The following ANAPC10 variants were observed in gnomAD, a reference collection of about 807,000 sequenced individuals.
The protein encoded by ANAPC10 is anaphase promoting complex subunit 10, also known as anaphase-promoting complex subunit 10.
ANAPC10 carries 12 observed loss-of-function variants against 22.0 expected under a neutral mutation model. That is an observed-to-expected ratio of 0.55 (90% CI 0.35 to 0.88). ANAPC10 has a LOEUF of 0.88. Among genes scored for constraint, ANAPC10 ranks in the 40% least tolerant of loss-of-function variants. The probability of loss-of-function intolerance (pLI) is 0.01; values close to 1 mark genes in which losing one functional copy is unlikely to be tolerated. For synonymous variants in ANAPC10, 65 were observed against 69.5 expected (o/e 0.94, Z 0.32); for missense variants, 188 against 220.9 (o/e 0.85, Z 0.94).
intron 2 of ANAPC10, among the ~76,000 whole-genome samples, chr4:145,093,271 C>T (rs1015816277): frequency 6.6e-6 from 1 of 152,086 alleles, no homozygotes; most frequent in Admixed American, 6.6e-5. Flanking sequence ...GAATTTGAAG[C>T]CTGTGAGACA....
rs759381610 is a variant in ANAPC10, at chr4:145,081,782, G to A, written c.116-32C>T. On this transcript the variant is annotated intron_variant, in intron 2 of 4. Coordinates refer to ENST00000507656, the MANE Select transcript of ANAPC10 (RefSeq NM_001256706.2). ...ACACCAAAAGTGTCAATAAATCCCT[G>A]TGAAAAAGAAACAACTATACATGCA... The A allele has an allele frequency of 6.7e-6, 10 of 1,487,700 alleles. No homozygotes were observed. The South Asian group carries it at 1.1e-4, about 16-fold the overall frequency. The allele number at this position is 1,487,700 out of a possible 1,614,324, so 92.2% of individuals were successfully genotyped here.
chr4:145,092,672 G>A (rs1747866356), intron 2 of ANAPC10, among the ~76,000 whole-genome samples: 1 of 152,130 alleles, frequency 6.6e-6, no homozygotes, highest in South Asian at 2.1e-4. Flanking sequence ...TGGGAGAGGG[G>A]AAGAGACTAA....
At chr4:145,080,853 C>G (rs1049614556) in intron 3 of ANAPC10, among the ~76,000 whole-genome samples, 3 of 149,718 alleles carry the variant, frequency 2.0e-5, no homozygotes, top group African/African-American at 7.4e-5. Flanking sequence ...GTTGCAGTAA[C>G]CCGAGATCAC....
chr4:145,054,648 C>CGT (rs1741742828), intron 4 of ANAPC10, among the ~76,000 whole-genome samples: 4 of 143,160 alleles, frequency 2.8e-5, no homozygotes, highest in Admixed American at 6.8e-5. Flanking sequence ...TGTGCGCGCG[C>CGT]GCGCGCGTGC....
At chr4:145,008,272 T>A (rs969583029) in intron 4 of ANAPC10, among the ~76,000 whole-genome samples, 1 of 152,174 alleles carries the variant, frequency 6.6e-6, no homozygotes, top group African/African-American at 2.4e-5. Context: ...GAGGAGCTGG[T>A]ACCATTCCTT....
chr4:145,064,527 TA>T (rs780429965), intron 4 of ANAPC10, 44 bp downstream of exon 4: 2 of 1,520,314 alleles, frequency 1.3e-6, no homozygotes, highest in Middle Eastern at 2.2e-4. Flanking sequence ...TTCTAATGAG[TA>T]AAAGTTAAAG....
At chr4:145,026,987 ATTTTTTTTTTTTTTTTTTTTT>A (rs1186853327) in intron 4 of ANAPC10, among the ~76,000 whole-genome samples, 2 of 15,370 alleles carry the variant, frequency 1.3e-4, no homozygotes, top group African/African-American at 4.6e-4. Context: ...ATATATATAT[ATTTTTTTTTTTTTTTTTTTTT>A]TTTTTTTTTT....
At chr4:145,094,025 C>T (rs1269543982) in intron 2 of ANAPC10, among the ~76,000 whole-genome samples, 1 of 152,152 alleles carries the variant, frequency 6.6e-6, no homozygotes, top group African/African-American at 2.4e-5. Flanking sequence ...AATCCTGACA[C>T]AATTTGGAAG....
intron 4 of ANAPC10, among the ~76,000 whole-genome samples, 171 bp from the exon 5 acceptor site, chr4:144,995,774 T>C (rs946002727): frequency 4.6e-5 from 7 of 152,180 alleles, no homozygotes; most frequent in Middle Eastern, 6.3e-3. Flanking sequence ...GGTCTACTTA[T>C]AGTTGCTAAG....
chr4:145,037,221 G>A (rs577259174), intron 4 of ANAPC10, among the ~76,000 whole-genome samples: 9 of 152,106 alleles, frequency 5.9e-5, no homozygotes, highest in East Asian at 3.9e-4. Flanking sequence ...ATATTGAAAC[G>A]TATCTTTTAT....
In ANAPC10 at chr4:145,047,640, C is replaced by T. The variant is rs574424047; in HGVS notation, c.327+16932G>A. ...GCCTTTCATTAAATTTCCTCAGAGA[C>T]AATTCCCTCTCAACACAAGGCAACT... On this transcript the variant is annotated intron_variant, in intron 4 of 4. Transcript: ENST00000507656. Among the ~76,000 whole-genome samples, 59 of 152,068 alleles carry T rather than the reference C, an allele frequency of 3.9e-4. 1 individual carries two copies. The Middle Eastern group carries it at 0.01, about 26-fold the overall frequency.
At chr4:145,093,116 T>C (rs189090117) in intron 2 of ANAPC10, among the ~76,000 whole-genome samples, 21 of 152,068 alleles carry the variant, frequency 1.4e-4, no homozygotes, top group African/African-American at 4.3e-4. Flanking sequence ...CAGCTGGAGG[T>C]AGGGCAAGAG....
At chr4:145,050,983 T>C (rs768319025) in intron 4 of ANAPC10, among the ~76,000 whole-genome samples, 1 of 152,240 alleles carries the variant, frequency 6.6e-6, no homozygotes, top group African/African-American at 2.4e-5. Context: ...TCCCTTATAT[T>C]CACAACTTCG....
At chr4:144,998,334 A>G (rs142827750) in intron 4 of ANAPC10, among the ~76,000 whole-genome samples, 21 of 152,304 alleles carry the variant, frequency 1.4e-4, no homozygotes, top group African/African-American at 4.6e-4. Context: ...GTTGGAAGTA[A>G]AGCACTCCTC....
At chr4:145,077,913 A>G (rs1745418430) in intron 3 of ANAPC10, among the ~76,000 whole-genome samples, 1 of 152,172 alleles carries the variant, frequency 6.6e-6, no homozygotes, top group Non-Finnish European at 1.5e-5. Context: ...CACAGACAAC[A>G]TCATACCGAG....
At chr4:145,054,667 CATGT>C (rs1397210217) in intron 4 of ANAPC10, among the ~76,000 whole-genome samples, 1 of 144,534 alleles carries the variant, frequency 6.9e-6, no homozygotes, top group African/African-American at 2.6e-5. Flanking sequence ...GCGTGCAGCG[CATGT>C]GTGTGTGTGT....
chr4:145,020,376 T>C (rs1412243230), intron 4 of ANAPC10, among the ~76,000 whole-genome samples: 3 of 151,988 alleles, frequency 2.0e-5, no homozygotes, highest in Non-Finnish European at 4.4e-5. Flanking sequence ...TTTGACAAAA[T>C]CCAGCATCCC....
intron 4 of ANAPC10, among the ~76,000 whole-genome samples, chr4:144,996,818 G>GCA (rs991858545): frequency 1.3e-5 from 2 of 152,066 alleles, no homozygotes; most frequent in African/African-American, 2.4e-5. Flanking sequence ...CGAACCCATC[G>GCA]CAAAGAAGCT....
intron 4 of ANAPC10, among the ~76,000 whole-genome samples, chr4:145,054,684 C>CTG (rs1273700288): frequency 1.4e-5 from 2 of 138,876 alleles, no homozygotes; most frequent in Non-Finnish European, 3.1e-5. Flanking sequence ...GTGTGTGTGC[C>CTG]TGTGTGTGTG....
Sources: allele counts gnomAD v4.1 joint callset (sites outside exome capture counted in the v4.1 genomes callset), GRCh38; gene constraint gnomAD v4.1.1; transcripts MANE v1.5; gene names NCBI Gene and HGNC (gene_info 2026-07-23, HGNC 2026-07-21).